Variants in PCM1 observed in about 807,000 individuals in gnomAD.
PCM1 encodes pericentriolar material 1 protein.
A neutral mutation model predicts 241.9 loss-of-function variants in PCM1; 157 were observed. The observed-to-expected ratio is 0.65, with a 90% CI of 0.57 to 0.74. PCM1 has a LOEUF of 0.74. Ranked by LOEUF, PCM1 falls within the 30% of genes least tolerant of loss-of-function variation. The probability of loss-of-function intolerance (pLI) is 0.00; values close to 1 mark genes in which losing one functional copy is unlikely to be tolerated. For missense variants in PCM1, 3,478 were observed against 2,360.1 expected, an observed-to-expected ratio of 1.47 and a Z score of -9.81; for synonymous variants, 1,085 against 784.9, an observed-to-expected ratio of 1.38 and a Z score of -6.39.
In PCM1 at chr8:18,025,596, G is replaced by C. The variant is rs1588857594; in HGVS notation, c.5987G>C (p.Gly1996Ala). The change falls in exon 38 of 39, where the codon GGT (glycine) becomes GCT (alanine). Residue 1996 changes from glycine to alanine, a missense_variant. Coordinates refer to ENST00000325083, the MANE Select transcript of PCM1 (RefSeq NM_006197.4). ...GAAGAACAGAAAAACCATTTATCTG[G>C]TGAAATATGTGAAATGCAGACCGAA... The part of the protein sequence containing the change: ...VEEEQKNHLS[G>A]EICEMQTEEL... 1 of 1,583,570 alleles carries C rather than the reference G, an allele frequency of 6.3e-7. No individual in the cohort carries two copies. The highest frequency in any genetic ancestry group is 8.6e-7 in the Non-Finnish European group (1 of 1,164,008).
At chr8:17,950,800 G>A (rs1422266016) in intron 8 of PCM1, 76 bp downstream of exon 8, 2 of 808,062 alleles carry the variant, frequency 2.5e-6, no homozygotes, top group South Asian at 3.0e-5. Context: ...ACTTCAGTGA[G>A]CATACATATC....
At chr8:18,003,032 C>T (rs1425351632) in intron 29 of PCM1, among the ~76,000 whole-genome samples, 1 of 152,166 alleles carries the variant, frequency 6.6e-6, no homozygotes, top group African/African-American at 2.4e-5. Context: ...TTCTTGAACT[C>T]AACTGTTTGG....
At chr8:18,007,547 A>G (rs887094728) in intron 30 of PCM1, among the ~76,000 whole-genome samples, 4 of 151,264 alleles carry the variant, frequency 2.6e-5, no homozygotes, top group African/African-American at 9.9e-5. Context: ...GCCTTCTATG[A>G]TAATTGTGGA....
chr8:17,978,434 T>C (rs1406954713), intron 23 of PCM1, among the ~76,000 whole-genome samples: 1 of 152,034 alleles, frequency 6.6e-6, no homozygotes, highest in African/African-American at 2.4e-5. Flanking sequence ...GCAAAATCCC[T>C]GAATTCCAAG....
In PCM1 at chr8:18,014,717, A is replaced by C. The variant is rs1432734027; in HGVS notation, c.5718A>C (p.Leu1906Phe). 2 of 1,613,722 alleles carry C rather than the reference A, an allele frequency of 1.2e-6. No individual in the cohort carries two copies. Among genetic ancestry groups the C allele is most frequent in the Non-Finnish European group, 1.7e-6 (2 of 1,179,856 alleles). The change falls in exon 36 of 39, where the codon TTA (leucine) becomes TTC (phenylalanine). Residue 1906 changes from leucine (L) to phenylalanine (F), a missense_variant. Transcript: ENST00000325083. ...DSTQQPNPLP[L>F]RLPEMEPLVP... ...CTCAACAGCCTAACCCTTTGCCGTT[A>C]CGTTTACCTGAAATGGAACCCTTAG... is the stretch of plus-strand genomic sequence containing the variant.
chr8:18,015,554 A>AATAATTTATTTTACTTCC (rs1163065379), intron 36 of PCM1: 1 of 152,114 alleles, frequency 6.6e-6, no homozygotes, highest in African/African-American at 2.4e-5. Context: ...AAACCAAGCA[A>AATAATTTATTTTACTTCC]ATAATTTATT....
chr8:18,000,648 G>T (rs1053543662), intron 29 of PCM1, among the ~76,000 whole-genome samples: 16 of 151,912 alleles, frequency 1.1e-4, no homozygotes, highest in Admixed American at 7.9e-4. Context: ...TGAGACAGAG[G>T]CTCACTCTTA....
chr8:18,018,869 T>TAC (rs1208998320), intron 36 of PCM1, among the ~76,000 whole-genome samples: 2 of 66,110 alleles, frequency 3.0e-5, no homozygotes, highest in Non-Finnish European at 6.8e-5. Context: ...TATATATATA[T>TAC]ATATATATAT....
chr8:17,967,245 A>G (rs2075211625), intron 21 of PCM1, 75 bp downstream of exon 21: 8 of 991,744 alleles, frequency 8.1e-6, no homozygotes, highest in South Asian at 1.7e-5. Flanking sequence ...TATTGCCTAG[A>G]TGTTTTAACA....
chr8:17,965,775 T>C (rs1453992398), intron 18 of PCM1, among the ~76,000 whole-genome samples: 3 of 152,212 alleles, frequency 2.0e-5, no homozygotes, highest in Admixed American at 6.5e-5. Flanking sequence ...TGGACACTGC[T>C]GTGTAAAAAC....
chr8:17,971,807 G>T (rs898529709), intron 22 of PCM1, among the ~76,000 whole-genome samples: 5 of 152,134 alleles, frequency 3.3e-5, no homozygotes, highest in Non-Finnish European at 5.9e-5. Context: ...AGTTGATAAC[G>T]ATCATAGCTC....
chr8:18,006,075 C>T, intron 29 of PCM1, 188 bp from the exon 30 acceptor site: 1 of 508,996 alleles, frequency 2.0e-6, no homozygotes, highest in East Asian at 3.1e-5. Context: ...TGCCAAACCT[C>T]TCAATACGTA....
intron 8 of PCM1, among the ~76,000 whole-genome samples, chr8:17,951,566 A>G (rs2066020489): frequency 2.0e-5 from 3 of 152,228 alleles, no homozygotes; most frequent in Admixed American, 2.0e-4. Flanking sequence ...GAAATTCTTT[A>G]TAGCAGTTAC....
intron 36 of PCM1, among the ~76,000 whole-genome samples, chr8:18,018,636 C>T (rs13270851): frequency 6.6e-6 from 1 of 151,490 alleles, no homozygotes; most frequent in Non-Finnish European, 1.5e-5. Flanking sequence ...TATGGTGAAA[C>T]CCCATCTCTA....
At chr8:17,950,507 G>T in intron 7 of PCM1, 108 bp from the exon 8 acceptor site, 1 of 631,554 alleles carries the variant, frequency 1.6e-6, no homozygotes, top group Non-Finnish European at 2.7e-6. Flanking sequence ...TTCAAGTTAC[G>T]TATGTGAGCT....
intron 11 of PCM1, 100 bp downstream of exon 11, chr8:17,956,877 CT>C: frequency 1.0e-6 from 1 of 958,306 alleles, no homozygotes; most frequent in Non-Finnish European, 1.6e-6. Context: ...TACTATTTGC[CT>C]TTTATTTAAG....
At position 18,011,468 on chromosome 8, in the gene PCM1, A is replaced by G. The variant is rs866086991; in HGVS notation, c.5350+102A>G. Reference sequence around the variant, plus strand: ...TAACAAGTATAAAATTAAGTGTCAAAGAACTCTGATTTTGAATTTCACTGT... The same window carrying G: ...TAACAAGTATAAAATTAAGTGTCAAGGAACTCTGATTTTGAATTTCACTGT... On this transcript the variant is annotated intron_variant, in intron 33 of 38. Transcript: ENST00000325083. 6.0e-5 allele frequency: 71 copies of G among 1,185,994 alleles called. No individual in the cohort carries two copies. In the African/African-American group the frequency reaches 1.0e-3, roughly 17 times the overall value. The allele number at this position is 1,185,994 out of a possible 1,614,324, so 73.5% of individuals were successfully genotyped here. A position where few individuals can be genotyped will look rare whatever the true frequency, so the allele number is the denominator to read the frequency against.
intron 6 of PCM1, among the ~76,000 whole-genome samples, chr8:17,942,031 A>G (rs564198958): frequency 7.2e-5 from 11 of 152,032 alleles, no homozygotes; most frequent in Middle Eastern, 3.4e-3. Flanking sequence ...ATACCTCTCC[A>G]TGGATTATAG....
At position 17,967,038 on chromosome 8, in the gene PCM1, G is replaced by A. The variant is rs1203668118; in HGVS notation, c.3280G>A (p.Gly1094Arg). 1.9e-6 allele frequency: 3 copies of A among 1,609,404 alleles called. No homozygotes were observed. Among genetic ancestry groups the A allele is most frequent in the African/African-American group, 1.3e-5 (1 of 74,954 alleles). The change falls in exon 21 of 39, where the codon GGA (glycine) becomes AGA (arginine). Residue 1094 changes from glycine (G) to arginine (R), a missense_variant. Transcript: ENST00000325083. ...GCAAAATCAGCATCCAGAAAAACCT[G>A]GAGGCAAGGAAAGAGGCAGTAGTGC... ...RQQNQHPEKP[G>R]GKERGSSASH...
Sources: allele counts gnomAD v4.1 joint callset (sites outside exome capture counted in the v4.1 genomes callset), GRCh38; gene constraint gnomAD v4.1.1; transcripts MANE v1.5; gene names NCBI Gene and HGNC (gene_info 2026-07-23, HGNC 2026-07-21).